The following ACBD5 variants were observed in gnomAD, a reference collection of about 807,000 sequenced individuals.
The protein encoded by ACBD5 is acyl-CoA-binding domain-containing protein 5.
ACBD5 carries 40 observed loss-of-function variants against 71.8 expected under a neutral mutation model. The observed-to-expected ratio is 0.56, with a 90% CI of 0.43 to 0.72. ACBD5 has a LOEUF of 0.72. Among genes scored for constraint, ACBD5 ranks in the 30% least tolerant of loss-of-function variants. The pLI is 0.00. For synonymous variants in ACBD5, 229 were observed against 218.6 expected (o/e 1.05, Z -0.42); for missense variants, 559 against 644.5 (o/e 0.87, Z 1.44).
chr10:27,228,405 G>T (rs1488395037), intron 4 of ACBD5, among the ~76,000 whole-genome samples: 1 of 151,598 alleles, frequency 6.6e-6, no homozygotes, highest in African/African-American at 2.4e-5. Flanking sequence ...TTGAAACCCC[G>T]TCTCTACTAA....
At chr10:27,189,652 A>C (rs573351947) in intron 13 of ACBD5, among the ~76,000 whole-genome samples, 5 of 149,490 alleles carry the variant, frequency 3.3e-5, no homozygotes, top group African/African-American at 7.4e-5. Flanking sequence ...GCATTAGGAG[A>C]TATACCTAAT....
intron 4 of ACBD5, among the ~76,000 whole-genome samples, chr10:27,224,267 C>T (rs1314941149): frequency 6.6e-6 from 1 of 151,760 alleles, no homozygotes; most frequent in East Asian, 1.9e-4. Flanking sequence ...GTCCCAGCTA[C>T]TCGGGAGGCT....
At chr10:27,215,893 A>G (rs1481279609) in intron 7 of ACBD5, among the ~76,000 whole-genome samples, 2 of 145,858 alleles carry the variant, frequency 1.4e-5, no homozygotes, top group African/African-American at 5.2e-5. Flanking sequence ...TTTTGTTTTG[A>G]GACGGAGTTT....
At chr10:27,219,918 C>A (rs2062121667) in intron 5 of ACBD5, 61 bp from the exon 6 acceptor site, 5 of 1,494,746 alleles carry the variant, frequency 3.3e-6, no homozygotes. Flanking sequence ...TCATAATTTC[C>A]AAGTAATACT....
intron 12 of ACBD5, among the ~76,000 whole-genome samples, chr10:27,202,793 G>A (rs997828237): frequency 2.0e-5 from 3 of 151,976 alleles, no homozygotes; most frequent in African/African-American, 7.3e-5. Context: ...GTGGCACTGA[G>A]CCCTGCTGCT....
downstream of ACBD5, chr10:27,195,184 G>C: frequency 2.8e-6 from 1 of 363,558 alleles, no homozygotes; most frequent in South Asian, 2.2e-5. Flanking sequence ...CTAATCAATG[G>C]GCTAATAGTA....
At chr10:27,186,874 C>A (rs2058791149) in intron 13 of ACBD5, 1 of 323,342 alleles carries the variant, frequency 3.1e-6, no homozygotes, top group South Asian at 3.1e-5. Context: ...GATTTCAGTT[C>A]ACTGTTCAGT....
chr10:27,204,623 A>T (rs2136800045), intron 11 of ACBD5, 74 bp from the exon 12 acceptor site: 1 of 1,058,682 alleles, frequency 9.4e-7, no homozygotes, highest in East Asian at 2.4e-5. Context: ...TACCTAATTC[A>T]TAATTTTGAA....
chr10:27,207,005 C>T (rs917729080), intron 10 of ACBD5, among the ~76,000 whole-genome samples: 8 of 151,456 alleles, frequency 5.3e-5, no homozygotes, highest in Non-Finnish European at 7.4e-5. Flanking sequence ...AGGCCGGGCA[C>T]GGTGGCTCAC....
chr10:27,199,347 T>C (rs1192533674), intron 12 of ACBD5, among the ~76,000 whole-genome samples: 1 of 151,828 alleles, frequency 6.6e-6, no homozygotes, highest in Admixed American at 6.6e-5. Context: ...TGAGCCACCG[T>C]GCCCAGCCTG....
chr10:27,217,253 T>G (rs1456394047), intron 7 of ACBD5, among the ~76,000 whole-genome samples: 1 of 145,692 alleles, frequency 6.9e-6, no homozygotes, highest in Non-Finnish European at 1.5e-5. Flanking sequence ...GTCAGGAGTT[T>G]GAGACCACCC....
intron 8 of ACBD5, among the ~76,000 whole-genome samples, chr10:27,211,318 T>TTTTG (rs974988394): frequency 6.6e-6 from 1 of 151,892 alleles, no homozygotes; most frequent in African/African-American, 2.4e-5. Flanking sequence ...TAGTAAATTG[T>TTTTG]TTTGTTTGTT....
chr10:27,195,358 T>C lies in ACBD5; in HGVS notation c.*2072A>G, dbSNP rs1232752564. ...ACACTATATCCTATAATTACATCTT[T>C]ACTTTTATATACAAGAACTGTGTGC... On this transcript the variant is annotated 3_prime_UTR_variant, in exon 13 of 13. Transcript: ENST00000396271. 1.3e-5 allele frequency: 6 copies of C among 454,238 alleles called. No homozygotes were observed. The highest frequency in any genetic ancestry group is 6.9e-5 in the East Asian group (1 of 14,412). The allele number at this position is 454,238 out of a possible 1,614,324, so 28.1% of individuals were successfully genotyped here.
intron 13 of ACBD5, chr10:27,186,278 G>C (rs1032729740): frequency 1.7e-6 from 2 of 1,184,526 alleles, no homozygotes; most frequent in East Asian, 4.8e-5. Flanking sequence ...ATAAAGTAAG[G>C]TAAGTTATAT....
chr10:27,223,279 T>A lies in ACBD5; in HGVS notation c.490+59A>T, dbSNP rs769356863. 17 of 1,257,558 alleles carry A rather than the reference T, an allele frequency of 1.4e-5. No homozygotes were observed. The South Asian group carries it at 1.8e-4, about 13-fold the overall frequency. The allele number at this position is 1,257,558 out of a possible 1,614,324, so 77.9% of individuals were successfully genotyped here. A position where few individuals can be genotyped will look rare whatever the true frequency, so the allele number is the denominator to read the frequency against. On this transcript the variant is annotated intron_variant, in intron 5 of 12. Coordinates refer to ENST00000396271, the MANE Select transcript of ACBD5 (RefSeq NM_145698.5). Reference sequence around the variant, plus strand: ...TAAGAAAAAAAATCAGAGATACAAATATTAATATGTGCATAATATATCAGT... The same window carrying A: ...TAAGAAAAAAAATCAGAGATACAAAAATTAATATGTGCATAATATATCAGT...
intron 6 of ACBD5, among the ~76,000 whole-genome samples, chr10:27,219,157 C>A (rs567796535): frequency 6.6e-6 from 1 of 151,752 alleles, no homozygotes; most frequent in Non-Finnish European, 1.5e-5. Flanking sequence ...CAAAAATTAG[C>A]GGGGTGTGGT....
intron 4 of ACBD5, 43 bp downstream of exon 4, chr10:27,231,705 G>C: frequency 6.4e-7 from 1 of 1,558,216 alleles, no homozygotes; most frequent in South Asian, 1.1e-5. Context: ...TTAAATTAGA[G>C]CTGCTCTGAA....
intron 12 of ACBD5, among the ~76,000 whole-genome samples, chr10:27,200,697 G>A (rs2059832402): frequency 6.6e-6 from 1 of 152,110 alleles, no homozygotes; most frequent in Non-Finnish European, 1.5e-5. Flanking sequence ...GACCTCAGGT[G>A]ACCGGCTCAC....
At chr10:27,214,534 C>T (rs1589144044) in intron 8 of ACBD5, among the ~76,000 whole-genome samples, 1 of 151,506 alleles carries the variant, frequency 6.6e-6, no homozygotes, top group African/African-American at 2.4e-5. Flanking sequence ...TACCTATGTG[C>T]CCATTAAAAT....
Sources: gnomAD v4.1 joint callset for allele counts (sites outside exome capture counted in the v4.1 genomes callset) on GRCh38, gnomAD v4.1.1 for gene constraint, MANE v1.5 for transcripts, NCBI Gene and HGNC (gene_info 2026-07-23, HGNC 2026-07-21) for gene names.